Variants in MYOF observed in about 807,000 individuals in gnomAD.
The protein encoded by MYOF is myoferlin.
Under a neutral mutation model 284.2 loss-of-function variants are expected in MYOF, and 244 were observed. That is an observed-to-expected ratio of 0.86 (90% CI 0.77 to 0.95). MYOF has a LOEUF of 0.95. Among genes scored for constraint, MYOF ranks in the 40% least tolerant of loss-of-function variants. The pLI is 0.00. For synonymous variants in MYOF, 904 were observed against 919.7 expected, an observed-to-expected ratio of 0.98 and a Z score of 0.31; for missense variants, 2,496 against 2,560.6, an observed-to-expected ratio of 0.97 and a Z score of 0.54.
In MYOF at chr10:93,347,654, AG is replaced by A. The variant is rs1226968394; in HGVS notation, c.4211del (p.Pro1404LeufsTer40). On this transcript the variant is annotated frameshift_variant, in exon 37 of 54. Transcript: ENST00000359263. LOFTEE classifies it high-confidence loss of function. ...GGACGATGTCCTCTTTCCCTGCATA[AG>A]GGTCACAGCGAAAGCGGTCCAGGCG... ...IERLDRFRCD[P>X]YAGKEDIVPQ... is the part of the protein sequence containing the mutation. 1.2e-6 allele frequency: 2 copies of A among 1,613,790 alleles called. No homozygotes were observed. The highest frequency in any genetic ancestry group is 1.7e-5 in the Admixed American group (1 of 60,002).
At chr10:93,439,607 A>G (rs1339144150) in intron 3 of MYOF, among the ~76,000 whole-genome samples, 2 of 152,210 alleles carry the variant, frequency 1.3e-5, no homozygotes, top group Non-Finnish European at 2.9e-5. Flanking sequence ...CAGGCTGCGT[A>G]CAGGTTAACT....
At chr10:93,338,494 G>A in intron 39 of MYOF, 1 of 456,892 alleles carries the variant, frequency 2.2e-6, no homozygotes, top group South Asian at 1.5e-5. Context: ...TAACACAATG[G>A]ACAAAGCATT....
chr10:93,346,949 C>T (rs1844210768), intron 37 of MYOF, among the ~76,000 whole-genome samples: 1 of 152,178 alleles, frequency 6.6e-6, no homozygotes, highest in Admixed American at 6.5e-5. Flanking sequence ...GAACAGCTCT[C>T]CCTGCTTTGC....
In MYOF at chr10:93,382,084, T is replaced by C. The variant is rs139298564; in HGVS notation, c.1699-688A>G. 6.8e-4 allele frequency among the ~76,000 whole-genome samples: 104 copies of C among 152,248 alleles called. 1 individual carries two copies. The East Asian group carries it at 0.018, about 26-fold the overall frequency. On this transcript the variant is annotated intron_variant, in intron 19 of 53. Coordinates refer to ENST00000359263, the MANE Select transcript of MYOF (RefSeq NM_013451.4). Reference sequence around the variant, plus strand: ...TAAATCTATTAAATAGATATTTTAATATTCATAAAGGCATATTCATAAAGA... The same window carrying C: ...TAAATCTATTAAATAGATATTTTAACATTCATAAAGGCATATTCATAAAGA...
Position 93,351,284 on chromosome 10 carries a change from G to A in MYOF, c.3834C>T (p.Asn1278=), listed in dbSNP as rs1844494512. ...ELILRGKDGS[N]LPILPPQRAP... The stretch of plus-strand genomic sequence containing the variant: ...CCCTTTGAGGGGGAAGAATGGGAAG[G>A]TTGGAGCCATCCTGTGAAACAAACA... The change falls in exon 35 of 54, where the codon AAC becomes AAT. Residue 1278 remains asparagine (N), a synonymous_variant. Coordinates refer to ENST00000359263, the MANE Select transcript of MYOF (RefSeq NM_013451.4). The A allele has an allele frequency of 1.2e-6, 2 of 1,613,040 alleles. No individual in the cohort carries two copies. The highest frequency in any genetic ancestry group is 1.7e-5 in the Admixed American group (1 of 59,868).
chr10:93,352,576 A>G (rs1844573943), intron 32 of MYOF, among the ~76,000 whole-genome samples: 1 of 152,232 alleles, frequency 6.6e-6, no homozygotes, highest in South Asian at 2.1e-4. Flanking sequence ...CCTCCTTGCT[A>G]AATAATTTCA....
chr10:93,372,260 G>A (rs868346420), intron 24 of MYOF, among the ~76,000 whole-genome samples: 3 of 152,018 alleles, frequency 2.0e-5, no homozygotes, highest in African/African-American at 4.8e-5. Context: ...TCTTTGTTTC[G>A]GCCCTAGGCT....
intron 1 of MYOF, among the ~76,000 whole-genome samples, chr10:93,474,865 G>C (rs1218140864): frequency 6.6e-6 from 1 of 151,760 alleles, no homozygotes; most frequent in Non-Finnish European, 1.5e-5. Context: ...TCCTGCCTCA[G>C]CCTCCTGAGT....
intron 1 of MYOF, among the ~76,000 whole-genome samples, chr10:93,464,622 A>G (rs1748391826): frequency 6.6e-6 from 1 of 152,136 alleles, no homozygotes; most frequent in Non-Finnish European, 1.5e-5. Flanking sequence ...CCAAGCTCAG[A>G]GTCCCTCATA....
At chr10:93,334,018 G>A in intron 41 of MYOF, 105 bp from the exon 42 acceptor site, 2 of 1,157,110 alleles carry the variant, frequency 1.7e-6, no homozygotes, top group East Asian at 2.6e-5. Flanking sequence ...AAGGATGGAA[G>A]GCTGCCTTTT....
chr10:93,331,316 G>A (rs1843288751), intron 43 of MYOF, among the ~76,000 whole-genome samples: 1 of 152,094 alleles, frequency 6.6e-6, no homozygotes. Context: ...GGGGGCTGCA[G>A]AGCCGGCATC....
chr10:93,326,627 G>T (rs984892504), intron 45 of MYOF, among the ~76,000 whole-genome samples: 7 of 152,198 alleles, frequency 4.6e-5, no homozygotes, highest in East Asian at 1.9e-4. Flanking sequence ...GGTATTCTGG[G>T]TTTTTTGTAT....
intron 34 of MYOF, 36 bp from the exon 35 acceptor site, chr10:93,351,331 T>G: frequency 6.2e-7 from 1 of 1,609,202 alleles, no homozygotes; most frequent in Non-Finnish European, 8.5e-7. Context: ...ATGCCTCACT[T>G]TAGTTCAAGC....
chr10:93,397,082 C>T, intron 15 of MYOF, 165 bp downstream of exon 15: 1 of 542,418 alleles, frequency 1.8e-6, no homozygotes, highest in Non-Finnish European at 3.1e-6. Context: ...TTTGCAGTAA[C>T]ACTATTATTA....
At chr10:93,355,999 A>C (rs1796833345) in intron 30 of MYOF, among the ~76,000 whole-genome samples, 1 of 152,134 alleles carries the variant, frequency 6.6e-6, no homozygotes, top group Admixed American at 6.5e-5. Context: ...CTGCTACTGA[A>C]AGAAAGGGAA....
chr10:93,434,206 G>A (rs192153214), intron 3 of MYOF, among the ~76,000 whole-genome samples: 1 of 152,152 alleles, frequency 6.6e-6, no homozygotes, highest in Non-Finnish European at 1.5e-5. Context: ...CAAGGTGGGT[G>A]GATCACTTGA....
At chr10:93,309,137 C>T (rs1443630715) in intron 53 of MYOF, among the ~76,000 whole-genome samples, 1 of 152,164 alleles carries the variant, frequency 6.6e-6, no homozygotes, top group Non-Finnish European at 1.5e-5. Flanking sequence ...ACTTGGCAAA[C>T]TTGAATGTCC....
intron 1 of MYOF, among the ~76,000 whole-genome samples, chr10:93,474,414 C>T (rs1418353251): frequency 3.9e-5 from 6 of 152,190 alleles, no homozygotes; most frequent in African/African-American, 1.4e-4. Context: ...AATTTCCACT[C>T]ATCCTTTAAA....
chr10:93,321,369 C>T (rs1466721822), intron 48 of MYOF, among the ~76,000 whole-genome samples: 1 of 149,794 alleles, frequency 6.7e-6, no homozygotes, highest in Admixed American at 6.6e-5. Flanking sequence ...AGTCAATTAA[C>T]TGACTAGATA....
Sources: allele counts gnomAD v4.1 joint callset (sites outside exome capture counted in the v4.1 genomes callset), GRCh38; gene constraint gnomAD v4.1.1; transcripts MANE v1.5; gene names NCBI Gene and HGNC (gene_info 2026-07-23, HGNC 2026-07-21).